The following SUCLA2 variants were observed in gnomAD, a reference collection of about 807,000 sequenced individuals.
The protein encoded by SUCLA2 is succinate-CoA ligase ADP-forming subunit beta, also known as succinate--CoA ligase [ADP-forming] subunit beta, mitochondrial.
Under a neutral mutation model 54.8 loss-of-function variants are expected in SUCLA2, and 30 were observed. The observed-to-expected ratio is 0.55, with a 90% CI of 0.41 to 0.74. The LOEUF is 0.74. Among genes scored for constraint, SUCLA2 ranks in the 30% least tolerant of loss-of-function variants. The probability of loss-of-function intolerance (pLI) is 0.00; values close to 1 mark genes in which losing one functional copy is unlikely to be tolerated. For missense variants in SUCLA2, 476 were observed against 562.9 expected (o/e 0.85, Z 1.56); for synonymous variants, 172 against 188.9 (o/e 0.91, Z 0.74).
At chr13:47,976,000 A>T (rs1301343206) in intron 4 of SUCLA2, among the ~76,000 whole-genome samples, 2 of 152,200 alleles carry the variant, frequency 1.3e-5, no homozygotes, top group Non-Finnish European at 2.9e-5. Flanking sequence ...TAATCCTAGC[A>T]CTTTGGGAAG....
chr13:47,991,766 A>G (rs971658006), intron 2 of SUCLA2: 5 of 152,234 alleles, frequency 3.3e-5, no homozygotes, highest in African/African-American at 1.2e-4. Flanking sequence ...AAAACTCCCA[A>G]TGGGAAAAAC....
At chr13:47,999,695 A>G (rs1204346503) in intron 1 of SUCLA2, among the ~76,000 whole-genome samples, 1 of 141,948 alleles carries the variant, frequency 7.0e-6, no homozygotes, top group Non-Finnish European at 1.5e-5. Flanking sequence ...CGACAGAGCA[A>G]GACTCCGTCT....
intron 10 of SUCLA2, among the ~76,000 whole-genome samples, chr13:47,944,218 T>G (rs1949711081): frequency 6.6e-6 from 1 of 152,132 alleles, no homozygotes; most frequent in Non-Finnish European, 1.5e-5. Flanking sequence ...AAATGGAAAT[T>G]TTATCACCAA....
rs370195343 is a variant in SUCLA2 at position 47,949,624 on chromosome 13, T to C, written c.1108-21A>G. On this transcript the variant is annotated intron_variant, in intron 8 of 10. Transcript: ENST00000646932. ...AGTACCTATGAATAAAGTGTTCTGA[T>C]AGATTAAAATTTAAAAGAAATTTAA... The C allele has an allele frequency of 3.7e-6, 6 of 1,611,930 alleles. No individual in the cohort carries two copies. The African/African-American group carries it at 5.3e-5, about 14-fold the overall frequency.
intron 6 of SUCLA2, among the ~76,000 whole-genome samples, chr13:47,958,656 A>G (rs1949841243): frequency 6.6e-6 from 1 of 152,224 alleles, no homozygotes; most frequent in Admixed American, 6.5e-5. Context: ...CTATAAACCC[A>G]GCCAAAACAA....
At chr13:47,980,339 C>A (rs545425655) in intron 4 of SUCLA2, among the ~76,000 whole-genome samples, 1 of 151,800 alleles carries the variant, frequency 6.6e-6, no homozygotes. Flanking sequence ...GGTGTGAACC[C>A]GGGAAATGCA....
At chr13:47,977,814 A>T (rs750428598) in intron 4 of SUCLA2, among the ~76,000 whole-genome samples, 5 of 152,186 alleles carry the variant, frequency 3.3e-5, no homozygotes, top group Non-Finnish European at 5.9e-5. Flanking sequence ...CATCATACAC[A>T]ATAATGAGAA....
intron 5 of SUCLA2, chr13:47,972,017 G>A (rs11839719): frequency 0.053 from 20,628 of 392,694 alleles, 1,273 homozygotes; most frequent in East Asian, 0.19. Context: ...TCAGGAGGCC[G>A]ATGAGGGTGG....
chr13:47,957,878 G>T (rs966448784), intron 6 of SUCLA2, among the ~76,000 whole-genome samples: 11 of 152,188 alleles, frequency 7.2e-5, no homozygotes, highest in Non-Finnish European at 8.8e-5. Flanking sequence ...CACCTCAAGT[G>T]TGTCAGTTTG....
intron 2 of SUCLA2, among the ~76,000 whole-genome samples, chr13:47,995,250 G>A (rs998711173): frequency 2.6e-5 from 4 of 151,948 alleles, no homozygotes; most frequent in Non-Finnish European, 5.9e-5. Flanking sequence ...TTTTACCGAC[G>A]TAATTATATA....
At chr13:47,975,165 CT>C (rs200391823) in intron 4 of SUCLA2, among the ~76,000 whole-genome samples, 3,276 of 144,994 alleles carry the variant, frequency 0.023, 142 homozygotes, top group African/African-American at 0.078. Flanking sequence ...TCTTTCTTTT[CT>C]TTTTTTTTTT....
At chr13:47,943,973 G>T (rs1949709405) in intron 10 of SUCLA2, among the ~76,000 whole-genome samples, 6 of 151,872 alleles carry the variant, frequency 4.0e-5, no homozygotes, top group Admixed American at 3.9e-4. Context: ...GCTAACCTGA[G>T]TTCCAATTCT....
At chr13:47,992,877 T>C (rs1233540492) in intron 2 of SUCLA2, among the ~76,000 whole-genome samples, 1 of 152,222 alleles carries the variant, frequency 6.6e-6, no homozygotes, top group East Asian at 1.9e-4. Flanking sequence ...GGATTCCACC[T>C]TAAATATACT....
chr13:47,994,208 C>T (rs1449075948), intron 2 of SUCLA2, among the ~76,000 whole-genome samples: 1 of 151,444 alleles, frequency 6.6e-6, no homozygotes, highest in Non-Finnish European at 1.5e-5. Context: ...TTTCTAAGGT[C>T]CCTCATTCTA....
rs942347942 is a variant in SUCLA2, at chr13:47,968,789, A to G, written c.664-56T>C. 23 of 1,575,200 alleles carry G rather than the reference A, an allele frequency of 1.5e-5. No homozygotes were observed. In the African/African-American group the frequency reaches 2.8e-4, roughly 19 times the overall value. On this transcript the variant is annotated intron_variant, in intron 5 of 10. Coordinates refer to ENST00000646932, the MANE Select transcript of SUCLA2 (RefSeq NM_003850.3). Reference sequence around the variant, plus strand: ...AGTTTGCATATGTCTAATCAACATTACTATAAATAAAAAGCCTTGTAGTTT... The same window carrying G: ...AGTTTGCATATGTCTAATCAACATTGCTATAAATAAAAAGCCTTGTAGTTT...
chr13:47,944,448 T>C (rs1949712917), intron 10 of SUCLA2, among the ~76,000 whole-genome samples: 1 of 152,140 alleles, frequency 6.6e-6, no homozygotes, highest in Non-Finnish European at 1.5e-5. Flanking sequence ...AAGGTCCTAC[T>C]GGTTCTTCTC....
chr13:48,001,201 C>A lies in SUCLA2; in HGVS notation c.69G>T (p.Thr23=), dbSNP rs1324777274. 6.2e-7 allele frequency: 1 copy of A among 1,609,500 alleles called. No homozygotes were observed. Among genetic ancestry groups the A allele is most frequent in the African/African-American group, 1.3e-5 (1 of 74,882 alleles). ...VATLRNHRPR[T]AQRAAAQVLG... ...TTACCTGAGCAGCAGCCCGCTGGGC[C>A]GTCCGAGGCCGGTGGTTCCGAAGGG... Residue 23 remains threonine (T), a synonymous_variant, in exon 1 of 11, where the codon ACG becomes ACT. Coordinates refer to ENST00000646932, the MANE Select transcript of SUCLA2 (RefSeq NM_003850.3).
chr13:47,965,697 T>C, intron 6 of SUCLA2: 1 of 398,302 alleles, frequency 2.5e-6, no homozygotes, highest in Non-Finnish European at 4.4e-6. Context: ...TTTGAATATG[T>C]ATTATGAATT....
At chr13:47,989,363 A>G (rs1177793166) in intron 2 of SUCLA2, among the ~76,000 whole-genome samples, 3 of 151,966 alleles carry the variant, frequency 2.0e-5, no homozygotes, top group Non-Finnish European at 4.4e-5. Flanking sequence ...GGCGCCCGCC[A>G]CCATGCCTGG....
Sources: allele counts gnomAD v4.1 joint callset (sites outside exome capture counted in the v4.1 genomes callset), GRCh38; gene constraint gnomAD v4.1.1; transcripts MANE v1.5; gene names NCBI Gene and HGNC (gene_info 2026-07-23, HGNC 2026-07-21).